The following MYH15 variants were observed in gnomAD, a reference collection of about 807,000 sequenced individuals.
MYH15 encodes the protein myosin heavy chain 15, also known as myosin-15.
MYH15 carries 227 observed loss-of-function variants against 240.5 expected under a neutral mutation model. The observed-to-expected ratio is 0.94, with a 90% CI of 0.85 to 1.05. MYH15 has a LOEUF of 1.05. MYH15 is among the 50% of genes least tolerant of loss of function. MYH15 has a pLI of 0.00. For synonymous variants in MYH15, 785 were observed against 796.7 expected, an observed-to-expected ratio of 0.99 and a Z score of 0.25; for missense variants, 2,217 against 2,247.5, an observed-to-expected ratio of 0.99 and a Z score of 0.27.
chr3:108,527,261 A>C (rs1008843195), intron 1 of MYH15, among the ~76,000 whole-genome samples: 2 of 152,118 alleles, frequency 1.3e-5, no homozygotes, highest in Admixed American at 1.3e-4. Context: ...CTGTTTAGCC[A>C]CCAGGGATTA....
In MYH15 at chr3:108,441,242, T is replaced by A; in HGVS notation, c.2674A>T (p.Asn892Tyr). 1.2e-6 allele frequency: 2 copies of A among 1,614,082 alleles called. No individual in the cohort carries two copies. Among genetic ancestry groups the A allele is most frequent in the Non-Finnish European group, 1.7e-6 (2 of 1,179,952 alleles). The change falls in exon 23 of 41, where the codon AAT becomes TAT. Residue 892 changes from asparagine to tyrosine, a missense_variant. Transcript: ENST00000693548. ...AGCCACTCGCACTGCTCTTCAACATTTGCCAGTGTCTCTTGCTCCTGCCAT... is the reference window on the plus strand; with the variant it reads ...AGCCACTCGCACTGCTCTTCAACATATGCCAGTGTCTCTTGCTCCTGCCAT... Reference protein sequence around the residue: ...QLQAEQETLANVEEQCEWLIK... With the variant: ...QLQAEQETLAYVEEQCEWLIK...
rs372617153 is a variant in MYH15, at chr3:108,454,724, T to C, written c.2263-582A>G. Reference sequence around the variant, plus strand: ...CTAGGCATCAAATAATCCACAAAAGTATTTTTTCAAGAATGATTACTAACA... The same window carrying C: ...CTAGGCATCAAATAATCCACAAAAGCATTTTTTCAAGAATGATTACTAACA... On this transcript the variant is annotated intron_variant, in intron 20 of 40. Transcript: ENST00000693548. Among the ~76,000 whole-genome samples, 8 of 152,316 alleles carry C rather than the reference T, an allele frequency of 5.3e-5. No individual in the cohort carries two copies. In the East Asian group the frequency reaches 1.5e-3, roughly 29 times the overall value.
Position 108,410,748 on chromosome 3 carries a change from C to T in MYH15, c.4330G>A (p.Ala1444Thr), listed in dbSNP as rs776083168. The change falls in exon 31 of 41, where the codon GCC becomes ACC. Residue 1444 changes from alanine (A) to threonine (T), a missense_variant. By Grantham distance (58) the Ala-to-Thr change is moderately conservative. Transcript: ENST00000693548. ...LDQKQLQSGK[A>T]LADWKQKHEE... ...TGCTTCTGCTTCCAGTCGGCAAGGG[C>T]CTTGCCAGACTGCAGCTGCTTCTGG... 3 of 1,614,144 alleles carry T rather than the reference C, an allele frequency of 1.9e-6. No homozygotes were observed. Among genetic ancestry groups the T allele is most frequent in the South Asian group, 2.2e-5 (2 of 91,088 alleles).
chr3:108,535,652 C>T, the MYH15 span, among the ~76,000 whole-genome samples: 1 of 152,126 alleles, frequency 6.6e-6, no homozygotes, highest in Non-Finnish European at 1.5e-5. Flanking sequence ...TTGAGAACCA[C>T]TAAGGAGATT....
chr3:108,526,303 G>A (rs1275077028), intron 1 of MYH15, among the ~76,000 whole-genome samples: 1 of 152,158 alleles, frequency 6.6e-6, no homozygotes, highest in African/African-American at 2.4e-5. Context: ...TGCACATAGA[G>A]CTTCTATTAG....
At chr3:108,462,952 A>G (rs539024031) in intron 16 of MYH15, among the ~76,000 whole-genome samples, 159 bp downstream of exon 16, 1 of 152,138 alleles carries the variant, frequency 6.6e-6, no homozygotes, top group African/African-American at 2.4e-5. Flanking sequence ...TCCCTGAAGA[A>G]CCCCCAGCCT....
At chr3:108,463,535 T>G (rs1304576515) in intron 15 of MYH15, among the ~76,000 whole-genome samples, 1 of 152,116 alleles carries the variant, frequency 6.6e-6, no homozygotes, top group Non-Finnish European at 1.5e-5. Context: ...GGTTTCCACA[T>G]GTTGCTCGGT....
chr3:108,520,804 A>C (rs2083612288), intron 1 of MYH15, among the ~76,000 whole-genome samples: 3 of 152,296 alleles, frequency 2.0e-5, no homozygotes, highest in African/African-American at 7.2e-5. Context: ...CCAAGAAAAT[A>C]GTTAATCATA....
intron 16 of MYH15, among the ~76,000 whole-genome samples, chr3:108,460,625 A>G (rs2083064115): frequency 1.3e-5 from 2 of 152,222 alleles, no homozygotes; most frequent in African/African-American, 2.4e-5. Flanking sequence ...AATTAAGCAA[A>G]AATAAAATTC....
chr3:108,476,377 C>T lies in MYH15; in HGVS notation c.1233+20G>A. On this transcript the variant is annotated intron_variant, in intron 12 of 40. Coordinates refer to ENST00000693548, the MANE Select transcript of MYH15 (RefSeq NM_014981.3). ...ATTGGAAGATCATAGAATAATAATG[C>T]TCTTGAAATATCACCTTACCTGTTC... is the stretch of plus-strand genomic sequence containing the variant. 3 of 1,328,656 alleles carry T rather than the reference C, an allele frequency of 2.3e-6. No homozygotes were observed. The highest frequency in any genetic ancestry group is 2.2e-6 in the Non-Finnish European group (2 of 920,148). 82.3% of individuals were successfully genotyped at this position (1,328,656 alleles called of 1,614,324 possible). A position where few individuals can be genotyped will look rare whatever the true frequency, so the allele number is the denominator to read the frequency against.
intron 21 of MYH15, among the ~76,000 whole-genome samples, chr3:108,446,109 G>T (rs1053549886): frequency 6.6e-6 from 1 of 151,982 alleles, no homozygotes; most frequent in African/African-American, 2.4e-5. Flanking sequence ...CCAATAATCA[G>T]TCCAGTCCCC....
chr3:108,390,288 C>T (rs1449855060), intron 37 of MYH15, among the ~76,000 whole-genome samples: 1 of 152,090 alleles, frequency 6.6e-6, no homozygotes, highest in Non-Finnish European at 1.5e-5. Flanking sequence ...ATGGTTGTGT[C>T]TTTAAGAATA....
upstream of MYH15, among the ~76,000 whole-genome samples, chr3:108,514,728 C>T (rs1189428198): frequency 8.5e-5 from 13 of 152,204 alleles, no homozygotes; most frequent in Admixed American, 7.2e-4. Flanking sequence ...TATACAGCCA[C>T]GACTCCTAAC....
chr3:108,494,734 T>A (rs1351745507), intron 7 of MYH15, among the ~76,000 whole-genome samples: 1 of 152,210 alleles, frequency 6.6e-6, no homozygotes, highest in Admixed American at 6.5e-5. Flanking sequence ...GCTCAAGTGA[T>A]CCGCCCACTT....
intron 38 of MYH15, among the ~76,000 whole-genome samples, chr3:108,388,498 AAC>A (rs2082399588): frequency 6.6e-6 from 1 of 152,162 alleles, no homozygotes; most frequent in Admixed American, 6.5e-5. Flanking sequence ...TGGCACCAGC[AAC>A]AGTGTCCTCA....
intron 18 of MYH15, among the ~76,000 whole-genome samples, chr3:108,457,376 C>T (rs9827561): frequency 0.12 from 17,717 of 152,106 alleles, 1,350 homozygotes; most frequent in African/African-American, 0.21. Context: ...TAGGAAGGAC[C>T]TGTCCACATC....
chr3:108,452,353 G>A (rs1246880224), intron 21 of MYH15, among the ~76,000 whole-genome samples: 1 of 151,904 alleles, frequency 6.6e-6, no homozygotes, highest in East Asian at 1.9e-4. Flanking sequence ...GTATATGAAT[G>A]GGGAGACATT....
At chr3:108,465,933 C>CAA (rs11407316) in intron 14 of MYH15, among the ~76,000 whole-genome samples, 26 of 151,834 alleles carry the variant, frequency 1.7e-4, no homozygotes, top group Non-Finnish European at 3.5e-4. Context: ...TCTCAAAAAA[C>CAA]AAAAAAACAA....
intron 7 of MYH15, among the ~76,000 whole-genome samples, chr3:108,493,572 G>A (rs763647556): frequency 2.0e-5 from 3 of 152,168 alleles, no homozygotes; most frequent in East Asian, 1.9e-4. Context: ...CATTCATTGA[G>A]CATCTACTAA....
Sources: allele counts gnomAD v4.1 joint callset (sites outside exome capture counted in the v4.1 genomes callset), GRCh38; gene constraint gnomAD v4.1.1; transcripts MANE v1.5; gene names NCBI Gene and HGNC (gene_info 2026-07-23, HGNC 2026-07-21).